The following NOSTRIN variants were observed in gnomAD, a reference collection of about 807,000 sequenced individuals.
NOSTRIN encodes the protein BM247 homolog.
NOSTRIN carries 63 observed loss-of-function variants against 59.0 expected under a neutral mutation model. That is an observed-to-expected ratio of 1.07 (90% CI 0.87 to 1.32). The LOEUF is 1.32. Ranked by LOEUF, NOSTRIN falls within the 40% of genes most tolerant of loss-of-function variation. The pLI, the probability that NOSTRIN is intolerant of heterozygous loss-of-function variation, is 0.00. For missense variants in NOSTRIN, 512 were observed against 473.1 expected (o/e 1.08, Z -0.76); for synonymous variants, 200 against 165.4 (o/e 1.21, Z -1.61).
chr2:168,834,285 A>G lies in NOSTRIN; in HGVS notation c.464A>G (p.Glu155Gly), dbSNP rs1267730121. The G allele has an allele frequency of 1.1e-6, 1 of 872,944 alleles. No individual in the cohort carries two copies. The highest frequency in any genetic ancestry group is 1.3e-5 in the South Asian group (1 of 76,534). The allele number at this position is 872,944 out of a possible 1,614,324, so 54.1% of individuals were successfully genotyped here. The change falls in exon 7 of 16, where the codon GAA (glutamate) becomes GGA (glycine). Residue 155 changes from glutamate to glycine, a missense_variant. Glu to Gly is a moderately conservative substitution (Grantham distance 98, BLOSUM62 -2). Coordinates refer to ENST00000317647, the MANE Select transcript of NOSTRIN (RefSeq NM_001039724.4). ...KKHEALFQLV[E>G]SSKQSMTEKE... Reference sequence around the variant, plus strand: ...CATGAAGCACTTTTCCAGCTTGTAGAAAGCTCCAAGCAATCTATGACTGAG... The same window carrying G: ...CATGAAGCACTTTTCCAGCTTGTAGGAAGCTCCAAGCAATCTATGACTGAG...
intron 7 of NOSTRIN, among the ~76,000 whole-genome samples, chr2:168,835,380 G>T (rs1687661118): frequency 6.6e-6 from 1 of 152,162 alleles, no homozygotes; most frequent in African/African-American, 2.4e-5. Flanking sequence ...CCCCTGGCCA[G>T]CCTTCTCGAT....
chr2:168,864,728 C>T, intron 15 of NOSTRIN, 106 bp from the exon 16 acceptor site: 4 of 1,324,936 alleles, frequency 3.0e-6, no homozygotes, highest in Non-Finnish European at 4.2e-6. Context: ...GAAAATGACA[C>T]TACCAAGTAA....
chr2:168,829,291 C>T (rs1300129430), intron 5 of NOSTRIN, among the ~76,000 whole-genome samples: 2 of 149,654 alleles, frequency 1.3e-5, no homozygotes, highest in Middle Eastern at 3.4e-3. Context: ...TCCTTTCTTC[C>T]TTCCTTCTCT....
chr2:168,814,767 G>A (rs1335180221), intron 2 of NOSTRIN, among the ~76,000 whole-genome samples: 1 of 152,140 alleles, frequency 6.6e-6, no homozygotes, highest in Non-Finnish European at 1.5e-5. Flanking sequence ...CTTGCAGACT[G>A]AATAAATAAA....
At chr2:168,806,415 C>T (rs866621308) in intron 1 of NOSTRIN, among the ~76,000 whole-genome samples, 1 of 152,082 alleles carries the variant, frequency 6.6e-6, no homozygotes. Context: ...TTACAAGTCG[C>T]CTGTCTAAAC....
At chr2:168,809,385 A>T (rs902437701) in intron 1 of NOSTRIN, among the ~76,000 whole-genome samples, 1 of 152,150 alleles carries the variant, frequency 6.6e-6, no homozygotes, top group African/African-American at 2.4e-5. Context: ...TTTCAGTCAC[A>T]TGGTTATAGA....
At chr2:168,851,049 C>A in intron 8 of NOSTRIN, 35 bp from the exon 9 acceptor site, 1 of 1,201,320 alleles carries the variant, frequency 8.3e-7, no homozygotes, top group Non-Finnish European at 1.2e-6. Context: ...TGCATAACAA[C>A]TGGCTGATCT....
At chr2:168,813,665 C>T (rs1686261914) in intron 2 of NOSTRIN, among the ~76,000 whole-genome samples, 1 of 152,030 alleles carries the variant, frequency 6.6e-6, no homozygotes. Flanking sequence ...GTTATCTCCC[C>T]TCATAGCTTT....
chr2:168,827,181 G>C (rs1236702918), intron 3 of NOSTRIN, among the ~76,000 whole-genome samples: 1 of 152,124 alleles, frequency 6.6e-6, no homozygotes, highest in Non-Finnish European at 1.5e-5. Flanking sequence ...TCTGTACCTG[G>C]GGTTTCTTGA....
At chr2:168,794,603 G>A (rs1038464792), upstream of NOSTRIN, among the ~76,000 whole-genome samples, 3 of 152,014 alleles carry the variant, frequency 2.0e-5, no homozygotes, top group Non-Finnish European at 2.9e-5. Context: ...CACCTGCCTC[G>A]GCCTCCCAAA....
intron 7 of NOSTRIN, among the ~76,000 whole-genome samples, chr2:168,839,841 G>A (rs919758359): frequency 6.9e-5 from 9 of 129,952 alleles, no homozygotes; most frequent in East Asian, 2.4e-4. Context: ...AGCTGAGATC[G>A]CACCACTGTA....
intron 8 of NOSTRIN, among the ~76,000 whole-genome samples, chr2:168,849,353 C>G (rs1688610733): frequency 6.6e-6 from 1 of 151,720 alleles, no homozygotes; most frequent in South Asian, 2.1e-4. Flanking sequence ...CTTTCTTTCT[C>G]TTTCTTCTTT....
chr2:168,786,971 C>G (rs1433002394), intron 1 of NOSTRIN: 1 of 152,074 alleles, frequency 6.6e-6, no homozygotes, highest in Non-Finnish European at 1.5e-5. Context: ...TCAAGTGATC[C>G]ACCTGCCTCA....
intron 2 of NOSTRIN, among the ~76,000 whole-genome samples, chr2:168,817,993 C>A (rs1239140503): frequency 6.6e-6 from 1 of 152,132 alleles, no homozygotes; most frequent in East Asian, 1.9e-4. Context: ...ACATCCACCC[C>A]CAAACTGGAA....
At chr2:168,861,243 C>G (rs1488938565) in intron 14 of NOSTRIN, among the ~76,000 whole-genome samples, 1 of 152,158 alleles carries the variant, frequency 6.6e-6, no homozygotes, top group African/African-American at 2.4e-5. Flanking sequence ...ATAGCCTCCT[C>G]CAAACTCCCA....
chr2:168,851,219 G>A lies in NOSTRIN; in HGVS notation c.729+37G>A, dbSNP rs1182185121. On this transcript the variant is annotated intron_variant, in intron 9 of 15. Coordinates refer to ENST00000317647, the MANE Select transcript of NOSTRIN (RefSeq NM_001039724.4). ...TGATCTCTCCATTTCTGGTATGCCTGGTAAGAAGGGGCAGAAACCTTTCTT... is the reference window on the plus strand; with the variant it reads ...TGATCTCTCCATTTCTGGTATGCCTAGTAAGAAGGGGCAGAAACCTTTCTT... 3 of 1,614,028 alleles carry A rather than the reference G, an allele frequency of 1.9e-6. No homozygotes were observed. The South Asian group carries it at 3.3e-5, about 18-fold the overall frequency.
intron 2 of NOSTRIN, among the ~76,000 whole-genome samples, chr2:168,822,748 T>C (rs1032724836): frequency 6.6e-6 from 1 of 152,214 alleles, no homozygotes; most frequent in Non-Finnish European, 1.5e-5. Context: ...TGATTCAATC[T>C]ATCCAAAAGA....
In NOSTRIN at chr2:168,809,620, A is replaced by C. The variant is rs79864086; in HGVS notation, c.28-1947A>C. ...TTTCTTTACTGCAGGTCTTCTCACAATTTGAAAATACTCCCTTAAACTTTC... is the reference window on the plus strand; with the variant it reads ...TTTCTTTACTGCAGGTCTTCTCACACTTTGAAAATACTCCCTTAAACTTTC... On this transcript the variant is annotated intron_variant, in intron 1 of 15. Coordinates refer to ENST00000317647, the MANE Select transcript of NOSTRIN (RefSeq NM_001039724.4). Among the ~76,000 whole-genome samples, 727 of 151,942 alleles carry C rather than the reference A, an allele frequency of 4.8e-3. 10 individuals carry two copies. Among genetic ancestry groups the C allele is most frequent in the African/African-American group, 0.017 (700 of 41,504 alleles).
intron 12 of NOSTRIN, among the ~76,000 whole-genome samples, chr2:168,858,718 T>C (rs1689264726): frequency 1.3e-5 from 2 of 152,310 alleles, no homozygotes; most frequent in South Asian, 4.1e-4. Context: ...CTCCATCAAT[T>C]GGATGTCTTC....
Sources: gnomAD v4.1 joint callset for allele counts (sites outside exome capture counted in the v4.1 genomes callset) on GRCh38, gnomAD v4.1.1 for gene constraint, MANE v1.5 for transcripts, NCBI Gene and HGNC (gene_info 2026-07-23, HGNC 2026-07-21) for gene names.